PLEKHG7: variants seen among roughly 807,000 people sequenced by gnomAD.
PLEKHG7 encodes the protein pleckstrin homology domain-containing family G member 7.
A neutral mutation model predicts 85.2 loss-of-function variants in PLEKHG7; 77 were observed. The observed-to-expected ratio is 0.90, with a 90% CI of 0.75 to 1.09. The LOEUF (loss-of-function observed/expected upper bound fraction) is 1.09. Among genes scored for constraint, PLEKHG7 ranks in the 50% least tolerant of loss-of-function variants. The probability of loss-of-function intolerance (pLI) is 0.00; values close to 1 mark genes in which losing one functional copy is unlikely to be tolerated. For synonymous variants in PLEKHG7, 301 were observed against 302.4 expected (o/e 1.00, Z 0.05); for missense variants, 777 against 804.3 (o/e 0.97, Z 0.41).
At chr12:92,741,246 ACATT>A (rs1872345991) in intron 8 of PLEKHG7, among the ~76,000 whole-genome samples, 1 of 152,242 alleles carries the variant, frequency 6.6e-6, no homozygotes, top group Non-Finnish European at 1.5e-5. Flanking sequence ...CTTCTCGCAT[ACATT>A]ATAAATAAAT....
intron 3 of PLEKHG7, among the ~76,000 whole-genome samples, chr12:92,725,637 T>C (rs1476167837): frequency 6.6e-6 from 1 of 152,180 alleles, no homozygotes; most frequent in African/African-American, 2.4e-5. Context: ...GAACTTTATT[T>C]TGTGTCTACA....
Position 92,706,992 on chromosome 12 carries a change from T to C in PLEKHG7, c.361T>C (p.Ser121Pro), listed in dbSNP as rs892540482. 1.9e-6 allele frequency: 3 copies of C among 1,614,056 alleles called. No individual in the cohort carries two copies. The highest frequency in any genetic ancestry group is 2.5e-6 in the Non-Finnish European group (3 of 1,180,030). The change falls in exon 2 of 17, where the codon TCA becomes CCA. Residue 121 changes from serine to proline, a missense_variant. Physicochemically the swap from Ser to Pro is moderately conservative, Grantham distance 74. Transcript: ENST00000344636. The stretch of plus-strand genomic sequence containing the variant: ...TGAAAGGGCCCTGAATGCAGCTGAC[T>C]CACTGGAGCCCCAAACCCGGCCCAC... Reference protein sequence around the residue: ...EPERALNAADSLEPQTRPTDK... With the variant: ...EPERALNAADPLEPQTRPTDK...
At chr12:92,709,635 C>T (rs776188738) in intron 3 of PLEKHG7, among the ~76,000 whole-genome samples, 1 of 152,136 alleles carries the variant, frequency 6.6e-6, no homozygotes, top group Admixed American at 6.5e-5. Context: ...GACATAAAGG[C>T]AGATCAATGG....
intron 15 of PLEKHG7, among the ~76,000 whole-genome samples, chr12:92,766,023 C>A (rs1430932114): frequency 2.0e-5 from 3 of 152,142 alleles, no homozygotes; most frequent in Admixed American, 1.3e-4. Flanking sequence ...AGGGCAAAAT[C>A]TGCCAAGCCA....
At chr12:92,761,685 A>C in intron 13 of PLEKHG7, 67 bp from the exon 14 acceptor site, 1 of 1,423,742 alleles carries the variant, frequency 7.0e-7, no homozygotes, top group Non-Finnish European at 9.1e-7. Flanking sequence ...AAAGAAAGAA[A>C]GGGAAAGAAA....
Position 92,770,147 on chromosome 12 carries a change from C to T in PLEKHG7, c.2028C>T (p.Thr676=). ...AISCFTKSQE[T]KKISLFTLPA... is the part of the protein sequence containing the mutation. Reference sequence around the variant, plus strand: ...CTTGCTTTACCAAGAGTCAGGAAACCAAGAAAATATCTTTATTCACATTGC... The same window carrying T: ...CTTGCTTTACCAAGAGTCAGGAAACTAAGAAAATATCTTTATTCACATTGC... Residue 676 remains threonine (T), a synonymous_variant, in exon 17 of 17, where the codon ACC becomes ACT. Transcript: ENST00000344636. 1 of 1,607,894 alleles carries T rather than the reference C, an allele frequency of 6.2e-7. No homozygotes were observed. Among genetic ancestry groups the T allele is most frequent in the Non-Finnish European group, 8.5e-7 (1 of 1,177,634 alleles).
chr12:92,768,443 G>T (rs909775365), intron 15 of PLEKHG7, among the ~76,000 whole-genome samples: 1 of 152,116 alleles, frequency 6.6e-6, no homozygotes, highest in African/African-American at 2.4e-5. Context: ...CACCCAGTTT[G>T]GTGGATGCTG....
At chr12:92,711,332 T>C (rs970176413) in intron 3 of PLEKHG7, among the ~76,000 whole-genome samples, 3 of 152,172 alleles carry the variant, frequency 2.0e-5, no homozygotes, top group Non-Finnish European at 4.4e-5. Flanking sequence ...CATGAGGCCA[T>C]TGGTGCAGAC....
chr12:92,736,842 G>GTGTT (rs1357155514), intron 6 of PLEKHG7, among the ~76,000 whole-genome samples: 3 of 152,230 alleles, frequency 2.0e-5, no homozygotes, highest in Admixed American at 2.0e-4. Flanking sequence ...TTAAAAGTGG[G>GTGTT]TGTTACTACT....
At chr12:92,739,989 G>C (rs1195833183) in intron 7 of PLEKHG7, among the ~76,000 whole-genome samples, 2 of 152,164 alleles carry the variant, frequency 1.3e-5, no homozygotes, top group Non-Finnish European at 2.9e-5. Context: ...CACAGATGAG[G>C]GTGGGGGCCC....
chr12:92,736,623 T>C, intron 6 of PLEKHG7, 46 bp downstream of exon 6: 1 of 1,147,716 alleles, frequency 8.7e-7, no homozygotes, highest in Admixed American at 4.2e-5. Flanking sequence ...TTTCTTTTCG[T>C]TTTTTGGTGG....
intron 2 of PLEKHG7, 175 bp downstream of exon 2, chr12:92,707,313 G>C: frequency 3.5e-6 from 5 of 1,429,952 alleles, no homozygotes; most frequent in Non-Finnish European, 4.5e-6. Flanking sequence ...TGAAAGGAGG[G>C]CAGCAATCTG....
At chr12:92,735,814 G>C (rs767125035) in intron 5 of PLEKHG7, among the ~76,000 whole-genome samples, 3 of 151,906 alleles carry the variant, frequency 2.0e-5, no homozygotes, top group Non-Finnish European at 4.4e-5. Context: ...ATTTCCAATG[G>C]GTATATAGGG....
At position 92,737,402 on chromosome 12, in the gene PLEKHG7, G is replaced by A. The variant is rs1352128260; in HGVS notation, c.820G>A (p.Glu274Lys). ...LKDKTWDEVLETHHKLPTDQL... is the reference protein window; with the variant it reads ...LKDKTWDEVLKTHHKLPTDQL... ...GGATAAGACCTGGGATGAAGTCTTG[G>A]AAACACATCACAAACTCCCGACCGA... is the stretch of plus-strand genomic sequence containing the variant. Residue 274 changes from glutamate to lysine, a missense_variant, in exon 7 of 17, where the codon GAA becomes AAA. By Grantham distance (56) the Glu-to-Lys change is moderately conservative. Transcript: ENST00000344636. 4 of 1,540,864 alleles carry A rather than the reference G, an allele frequency of 2.6e-6. No homozygotes were observed. The highest frequency in any genetic ancestry group is 3.5e-6 in the Non-Finnish European group (4 of 1,153,512).
intron 14 of PLEKHG7, among the ~76,000 whole-genome samples, chr12:92,762,325 G>C (rs561784819): frequency 7.2e-5 from 11 of 152,258 alleles, no homozygotes; most frequent in African/African-American, 2.6e-4. Context: ...GAGAAATAAT[G>C]ATTTGGAGGT....
At position 92,761,662 on chromosome 12, in the gene PLEKHG7, GAAAGAAAGAAAGA is replaced by G. The variant is rs1381304384; in HGVS notation, c.1637-87_1637-75del. The G allele has an allele frequency of 3.6e-5, 48 of 1,329,984 alleles. No homozygotes were observed. The African/African-American group carries it at 5.8e-4, about 16-fold the overall frequency. The allele number at this position is 1,329,984 out of a possible 1,614,324, so 82.4% of individuals were successfully genotyped here. On this transcript the variant is annotated intron_variant, in intron 13 of 16. Transcript: ENST00000344636. ...AGAAAGAAAGAAAGAAAGAAAGAAAGAAAGAAAGAAAGAAAGAAAGAAAGGGAAAGAAAAACTC... is the reference window on the plus strand; with the variant it reads ...AGAAAGAAAGAAAGAAAGAAAGAAAGAAGAAAGAAAGGGAAAGAAAAACTC...
At chr12:92,707,502 A>G (rs988814264) in intron 2 of PLEKHG7, 148 bp from the exon 3 acceptor site, 4 of 1,465,952 alleles carry the variant, frequency 2.7e-6, no homozygotes, top group Middle Eastern at 4.5e-4. Flanking sequence ...GGGGAGAAAG[A>G]GCCAGTTATT....
rs530271337 is a variant in PLEKHG7 at position 92,714,905 on chromosome 12, A to G, written c.530+7233A>G. On this transcript the variant is annotated intron_variant, in intron 3 of 16. Transcript: ENST00000344636. ...CTAATCATATGAAGCAGCCAACTCC[A>G]GAAGCCCCAAAACCAATGAAAGAAC... Among the ~76,000 whole-genome samples, 8 of 152,298 alleles carry G rather than the reference A, an allele frequency of 5.3e-5. No homozygotes were observed. In the South Asian group the frequency reaches 1.7e-3, roughly 32 times the overall value.
At chr12:92,751,354 G>T (rs1028912253) in intron 10 of PLEKHG7, among the ~76,000 whole-genome samples, 3 of 152,112 alleles carry the variant, frequency 2.0e-5, no homozygotes, top group Non-Finnish European at 4.4e-5. Context: ...CCAGCCACCT[G>T]TACACAGGGG....
Sources: gnomAD v4.1 joint callset for allele counts (sites outside exome capture counted in the v4.1 genomes callset) on GRCh38, gnomAD v4.1.1 for gene constraint, MANE v1.5 for transcripts, NCBI Gene and HGNC (gene_info 2026-07-23, HGNC 2026-07-21) for gene names.